Variants in JADE2 observed in about 807,000 individuals in gnomAD.
JADE2 encodes jade family PHD finger 2, also known as E3 ubiquitin-protein ligase Jade-2.
Under a neutral mutation model 85.7 loss-of-function variants are expected in JADE2, and 13 were observed. The observed-to-expected ratio is 0.15, with a 90% confidence interval of 0.10 to 0.24. The LOEUF is 0.24. JADE2 is among the 10% of genes least tolerant of loss of function. The pLI is 1.00. For missense variants in JADE2, 846 were observed against 1,115.9 expected (o/e 0.76, Z 3.45); for synonymous variants, 440 against 456.1 (o/e 0.96, Z 0.45).
At chr5:134,557,223 T>TGA (rs1327480362) in intron 4 of JADE2, among the ~76,000 whole-genome samples, 6 of 150,796 alleles carry the variant, frequency 4.0e-5, no homozygotes, top group African/African-American at 1.5e-4. Flanking sequence ...ATGATGATGA[T>TGA]TATTATTTTT....
intron 3 of JADE2, among the ~76,000 whole-genome samples, chr5:134,539,043 T>TTTTTTTTATTTA (rs552925543): frequency 1.5e-5 from 2 of 134,378 alleles, no homozygotes; most frequent in African/African-American, 2.8e-5. Context: ...TTTATTTTTA[T>TTTTTTTTATTTA]TTTATTTATT....
At chr5:134,528,336 T>A (rs1761011000) in intron 1 of JADE2, among the ~76,000 whole-genome samples, 2 of 152,124 alleles carry the variant, frequency 1.3e-5, no homozygotes, top group African/African-American at 4.8e-5. Flanking sequence ...ACCCTGACTT[T>A]CTTTCTCACC....
upstream of JADE2, among the ~76,000 whole-genome samples, chr5:134,525,171 T>G (rs1446011471): frequency 6.6e-6 from 1 of 152,076 alleles, no homozygotes; most frequent in East Asian, 1.9e-4. Context: ...TCGCTTTTTT[T>G]TTTTTTTAAG....
At chr5:134,577,037 A>C (rs941641546) in intron 11 of JADE2, 141 bp downstream of exon 11, 2 of 921,654 alleles carry the variant, frequency 2.2e-6, no homozygotes, top group Non-Finnish European at 3.2e-6. Context: ...TTGCTTGCCC[A>C]GGTGCACACA....
rs1255230710 is a variant in JADE2, at chr5:134,581,644, T to G, written c.*2327T>G. The G allele has an allele frequency of 6.5e-6, 1 of 153,196 alleles. No individual in the cohort carries two copies. Among genetic ancestry groups the G allele is most frequent in the African/African-American group, 2.4e-5 (1 of 41,456 alleles). The allele number at this position is 153,196 out of a possible 1,614,324, so 9.5% of individuals were successfully genotyped here. A position where few individuals can be genotyped will look rare whatever the true frequency, so the allele number is the denominator to read the frequency against. On this transcript the variant is annotated 3_prime_UTR_variant, in exon 12 of 12. Transcript: ENST00000681547. ...TTCTTCCAAGAGCCTCTGCTCACAT[T>G]GTTGGCCTCTGGATTCTGGCCCTTC...
chr5:134,560,843 G>C lies in JADE2; in HGVS notation c.570G>C (p.Glu190Asp). The change falls in exon 6 of 12, where the codon GAG becomes GAC. Residue 190 changes from glutamate to aspartate, a missense_variant. Glu to Asp is a conservative substitution (Grantham distance 45). Transcript: ENST00000681547. ...TGGCCAGGGCCATTGAGACGCAGGAGGGGCTGGGCATCGAGTACGACGAGG... is the reference window on the plus strand; with the variant it reads ...TGGCCAGGGCCATTGAGACGCAGGACGGGCTGGGCATCGAGTACGACGAGG... ...QNMARAIETQEGLGIEYDEDV... is the reference protein window; with the variant it reads ...QNMARAIETQDGLGIEYDEDV... 6.2e-7 allele frequency: 1 copy of C among 1,614,252 alleles called. No individual in the cohort carries two copies. Among genetic ancestry groups the C allele is most frequent in the Non-Finnish European group, 8.5e-7 (1 of 1,180,052 alleles).
At position 134,566,188 on chromosome 5, in the gene JADE2, A is replaced by G. The variant is rs369525537; in HGVS notation, c.1042A>G (p.Ile348Val). 36 of 1,613,928 alleles carry G rather than the reference A, an allele frequency of 2.2e-5. No homozygotes were observed. The highest frequency in any genetic ancestry group is 2.0e-4 in the African/African-American group (15 of 74,864). Residue 348 changes from isoleucine (I) to valine (V), a missense_variant, in exon 9 of 12, where the codon ATA becomes GTA. Ile to Val is a conservative substitution (Grantham distance 29). Around this residue, in one of 9 missense-constraint regions of JADE2, gnomAD observed 39 missense variants for 37.6 expected, o/e 1.04. Coordinates refer to ENST00000681547, the MANE Select transcript of JADE2 (RefSeq NM_001388185.1). This position sits in a 1 kb window ranked among gnomAD's most constrained non-coding sequence, Gnocchi z 6.7. ...AFDHGLEMRT[I>V]LADNDEVKFK... The stretch of plus-strand genomic sequence containing the variant: ...TGACCACGGCCTGGAAATGCGGACT[A>G]TATTAGCAGACAACGATGAGGTCAA...
intron 1 of JADE2, among the ~76,000 whole-genome samples, chr5:134,531,883 CTTTTTTTTT>C (rs1160758941): frequency 1.5e-3 from 56 of 38,472 alleles, no homozygotes; most frequent in African/African-American, 5.1e-3. Context: ...CCGTGCCTGG[CTTTTTTTTT>C]TTTTTTTTTT....
intron 4 of JADE2, among the ~76,000 whole-genome samples, chr5:134,557,227 T>G (rs975559125): frequency 1.3e-5 from 2 of 150,590 alleles, no homozygotes; most frequent in African/African-American, 4.9e-5. Context: ...TGATGATTAT[T>G]ATTTTTTTTG....
rs1764752820 is a variant in JADE2 at position 134,582,390 on chromosome 5, T to G, written c.*3073T>G. ...GGGGGGTGTGCCAGGCCACGTCTCG[T>G]GTGTCCGTATGCAGGCATGCCTGTG... is the stretch of plus-strand genomic sequence containing the variant. On this transcript the variant is annotated 3_prime_UTR_variant, in exon 12 of 12. Transcript: ENST00000681547. 1.3e-5 allele frequency: 2 copies of G among 149,348 alleles called. No homozygotes were observed. The highest frequency in any genetic ancestry group is 4.3e-4 in the South Asian group (2 of 4,656). 9.3% of individuals were successfully genotyped at this position (149,348 alleles called of 1,614,324 possible).
intron 3 of JADE2, among the ~76,000 whole-genome samples, chr5:134,540,570 T>C (rs1239795308): frequency 7.2e-5 from 11 of 152,086 alleles, no homozygotes; most frequent in African/African-American, 2.7e-4. Context: ...ACTCCCCAGT[T>C]GCTGTGGTTG....
intron 1 of JADE2, among the ~76,000 whole-genome samples, chr5:134,532,475 A>G (rs934364445): frequency 6.6e-6 from 1 of 152,192 alleles, no homozygotes; most frequent in African/African-American, 2.4e-5. Flanking sequence ...TGGGGGTTGC[A>G]TGAGAGGTGC....
chr5:134,526,448 G>T, intron 1 of JADE2: 1 of 985,174 alleles, frequency 1.0e-6, no homozygotes, highest in Non-Finnish European at 1.2e-6. Flanking sequence ...GAGGTCGAGC[G>T]GCCCGGGCGG....
Position 134,562,103 on chromosome 5 carries a change from G to A in JADE2, c.685-97G>A, listed in dbSNP as rs928423510. ...CAGAGATGGGAGGCTGTGTAGCAGT[G>A]TAGCATGGGGCTGGCACTGGACCAA... On this transcript the variant is annotated intron_variant, in intron 6 of 11. Transcript: ENST00000681547. This position sits in a 1 kb window ranked among gnomAD's most constrained non-coding sequence, Gnocchi z 4.6. The A allele has an allele frequency of 1.5e-5, 18 of 1,226,986 alleles. No homozygotes were observed. Among genetic ancestry groups the A allele is most frequent in the Admixed American group, 2.1e-5 (1 of 47,710 alleles). 76.0% of individuals were successfully genotyped at this position (1,226,986 alleles called of 1,614,324 possible). A position where few individuals can be genotyped will look rare whatever the true frequency, so the allele number is the denominator to read the frequency against.
chr5:134,549,096 G>A (rs778840187), intron 3 of JADE2, among the ~76,000 whole-genome samples: 2 of 152,154 alleles, frequency 1.3e-5, no homozygotes, highest in Non-Finnish European at 2.9e-5. Context: ...AATGTGAGTC[G>A]ACCAGGTACT....
At chr5:134,533,571 A>C (rs544792446) in intron 1 of JADE2, 2 of 985,334 alleles carry the variant, frequency 2.0e-6, no homozygotes, top group Admixed American at 1.2e-4. Context: ...ATTCGCTTAC[A>C]GGATTGCAAA....
chr5:134,538,322 C>T (rs2149882990), intron 3 of JADE2, among the ~76,000 whole-genome samples: 1 of 152,284 alleles, frequency 6.6e-6, no homozygotes, highest in East Asian at 1.9e-4. Flanking sequence ...AGGGTAATGA[C>T]ACAGCCTGAT....
At position 134,579,287 on chromosome 5, in the gene JADE2, G is replaced by C. The variant is rs751312550; in HGVS notation, c.2475G>C (p.Glu825Asp). ...GTCCCCGGGAGGCAGGGGCAGAGGA[G>C]GTGGTCCGCATGGGCGTACTGGCCT... is the stretch of plus-strand genomic sequence containing the variant. ...QRGPREAGAE[E>D]VVRMGVLAS Residue 825 changes from glutamate to aspartate, a missense_variant, in exon 12 of 12, where the codon GAG (glutamate) becomes GAC (aspartate). Glu to Asp is a conservative substitution (Grantham distance 45). Around this residue, in one of 9 missense-constraint regions of JADE2, gnomAD observed 300 missense variants for 300.7 expected, o/e 1.00. Coordinates refer to ENST00000681547, the MANE Select transcript of JADE2 (RefSeq NM_001388185.1). This position sits in a 1 kb window ranked among gnomAD's most constrained non-coding sequence, Gnocchi z 4.6. 23 of 1,611,924 alleles carry C rather than the reference G, an allele frequency of 1.4e-5. No individual in the cohort carries two copies. In the East Asian group the frequency reaches 4.7e-4, roughly 33 times the overall value.
chr5:134,539,467 GGGATTACAGGCGTGAGCCACCGC>G (rs1761835618), intron 3 of JADE2, among the ~76,000 whole-genome samples: 1 of 152,154 alleles, frequency 6.6e-6, no homozygotes, highest in African/African-American at 2.4e-5. Flanking sequence ...CCAAAGTGTT[GGGATTACAGGCGTGAGCCACCGC>G]GCCCGGCCAA....
Sources: gnomAD v4.1 joint callset for allele counts (sites outside exome capture counted in the v4.1 genomes callset) on GRCh38, gnomAD v4.1.1 for gene constraint, gnomAD v4.1.1 regional missense constraint, Gnocchi (gnomAD v3.1) non-coding constraint, MANE v1.5 for transcripts, NCBI Gene and HGNC (gene_info 2026-07-23, HGNC 2026-07-21) for gene names.